ACVR1C: variants seen among roughly 807,000 people sequenced by gnomAD.
ACVR1C encodes activin A receptor type 1C.
A neutral mutation model predicts 57.9 loss-of-function variants in ACVR1C; 23 were observed. That is an observed-to-expected ratio of 0.40 (90% CI 0.29 to 0.56). The LOEUF (loss-of-function observed/expected upper bound fraction) is 0.56, where lower values mean the gene tolerates loss of function less well. Ranked by LOEUF, ACVR1C falls within the 20% of genes least tolerant of loss-of-function variation. ACVR1C has a pLI of 0.50. For synonymous variants in ACVR1C, 214 were observed against 215.3 expected (o/e 0.99, Z 0.05); for missense variants, 480 against 607.9 (o/e 0.79, Z 2.21).
chr2:157,575,131 C>CT (rs578208823), intron 2 of ACVR1C, among the ~76,000 whole-genome samples: 19,577 of 137,582 alleles, frequency 0.14, 1,775 homozygotes, highest in East Asian at 0.31. Context: ...CCGGCAAGTT[C>CT]TTTTTTTTTT....
chr2:157,554,692 C>T (rs1688049184), intron 3 of ACVR1C, among the ~76,000 whole-genome samples: 1 of 152,134 alleles, frequency 6.6e-6, no homozygotes, highest in South Asian at 2.1e-4. Context: ...AATATGGATG[C>T]ACATAGAGAT....
chr2:157,578,210 G>A (rs1688709666), intron 2 of ACVR1C, among the ~76,000 whole-genome samples: 1 of 152,108 alleles, frequency 6.6e-6, no homozygotes, highest in East Asian at 1.9e-4. Flanking sequence ...CAGACCTCCT[G>A]ACATTTTTTG....
At chr2:157,616,143 A>G (rs1050171525) in intron 1 of ACVR1C, among the ~76,000 whole-genome samples, 1 of 152,080 alleles carries the variant, frequency 6.6e-6, no homozygotes, top group Non-Finnish European at 1.5e-5. Flanking sequence ...CATTCCATTT[A>G]CACATATTTT....
Position 157,527,443 on chromosome 2 carries a change from C to T in ACVR1C, c.*6475G>A, listed in dbSNP as rs1009149518. ...CAATGTCAAAATGCAATGGTTTTGA[C>T]ATTTGTAATATGTTCTTAGGTATAA... On this transcript the variant is annotated 3_prime_UTR_variant, in exon 9 of 9. Coordinates refer to ENST00000243349, the MANE Select transcript of ACVR1C (RefSeq NM_145259.3). The T allele has an allele frequency of 6.6e-6, 1 of 152,148 alleles. No individual in the cohort carries two copies. 9.4% of individuals were successfully genotyped at this position (152,148 alleles called of 1,614,324 possible).
chr2:157,534,003 T>C lies in ACVR1C; in HGVS notation c.1397A>G (p.Tyr466Cys), dbSNP rs1211059146. ...AGTTAGGCGGGCCGCTCCGTTGGCA[T>C]ACCAACACTCACGCATTATTCTCCC... ...VMGRIMRECW[Y>C]ANGAARLTAL... The change falls in exon 9 of 9, where the codon TAT becomes TGT. Residue 466 changes from tyrosine to cysteine, a missense_variant. By Grantham distance (194) the Tyr-to-Cys change is radical. Coordinates refer to ENST00000243349, the MANE Select transcript of ACVR1C (RefSeq NM_145259.3). 2 of 1,592,386 alleles carry C rather than the reference T, an allele frequency of 1.3e-6. No homozygotes were observed. Among genetic ancestry groups the C allele is most frequent in the Non-Finnish European group, 8.5e-7 (1 of 1,171,344 alleles).
intron 7 of ACVR1C, among the ~76,000 whole-genome samples, chr2:157,539,555 C>A (rs1687571333): frequency 6.6e-6 from 1 of 152,184 alleles, no homozygotes; most frequent in South Asian, 2.1e-4. Context: ...AAAAGCAAAT[C>A]TAGACTAATA....
chr2:157,612,199 C>CCTGG (rs1682550129), intron 1 of ACVR1C, among the ~76,000 whole-genome samples: 1 of 152,120 alleles, frequency 6.6e-6, no homozygotes, highest in Non-Finnish European at 1.5e-5. Flanking sequence ...TACTTCAGCT[C>CCTGG]CTGGCTGCAG....
chr2:157,554,272 G>GAAAGAAAGAAAGAAAGAAAGAAAGA (rs1491411690), intron 3 of ACVR1C, among the ~76,000 whole-genome samples: 60 of 47,520 alleles, frequency 1.3e-3, no homozygotes, highest in East Asian at 3.5e-3. Flanking sequence ...AGAAAGAAAG[G>GAAAGAAAGAAAGAAAGAAAGAAAGA]AAGGAAGGAA....
chr2:157,555,946 A>AT (rs1688088509), intron 3 of ACVR1C, 147 bp downstream of exon 3: 1 of 927,762 alleles, frequency 1.1e-6, no homozygotes, highest in Non-Finnish European at 1.6e-6. Flanking sequence ...TTCCTCAGGT[A>AT]CTAAAAGGAG....
At chr2:157,555,988 C>T in intron 3 of ACVR1C, 105 bp downstream of exon 3, 1 of 1,329,354 alleles carries the variant, frequency 7.5e-7, no homozygotes, top group South Asian at 1.6e-5. Flanking sequence ...TGTATCCTTT[C>T]AAGACGGAAT....
intron 2 of ACVR1C, among the ~76,000 whole-genome samples, chr2:157,580,548 G>A (rs930105430): frequency 1.3e-5 from 2 of 152,150 alleles, no homozygotes; most frequent in Non-Finnish European, 2.9e-5. Context: ...CACTTTAGAT[G>A]TCCACAGAAA....
chr2:157,586,336 T>C (rs1017537532), intron 2 of ACVR1C, among the ~76,000 whole-genome samples: 4 of 152,116 alleles, frequency 2.6e-5, no homozygotes, highest in African/African-American at 9.7e-5. Flanking sequence ...ACTGATATGA[T>C]GACATATGAA....
chr2:157,618,652 A>T (rs1315317803), intron 1 of ACVR1C, among the ~76,000 whole-genome samples: 2 of 151,830 alleles, frequency 1.3e-5, no homozygotes, highest in Admixed American at 1.3e-4. Flanking sequence ...TAACAGAGTA[A>T]CTATATCAAT....
At chr2:157,575,131 CTTT>C (rs578208823) in intron 2 of ACVR1C, among the ~76,000 whole-genome samples, 14 of 137,590 alleles carry the variant, frequency 1.0e-4, no homozygotes, top group Non-Finnish European at 9.5e-5. Flanking sequence ...CCGGCAAGTT[CTTT>C]TTTTTTTTTT....
intron 2 of ACVR1C, among the ~76,000 whole-genome samples, chr2:157,561,203 G>GT (rs1000510091): frequency 6.6e-6 from 1 of 152,112 alleles, no homozygotes; most frequent in Non-Finnish European, 1.5e-5. Flanking sequence ...TTTATTAATA[G>GT]TTTTTCCCAA....
At chr2:157,544,304 C>G in intron 5 of ACVR1C, 141 bp downstream of exon 5, 1 of 759,266 alleles carries the variant, frequency 1.3e-6, no homozygotes, top group Non-Finnish European at 1.9e-6. Flanking sequence ...CCTAGACTAC[C>G]AAAATGCTGG....
intron 4 of ACVR1C, among the ~76,000 whole-genome samples, chr2:157,549,220 T>C (rs1306821458): frequency 4.6e-5 from 7 of 152,026 alleles, no homozygotes; most frequent in Admixed American, 3.9e-4. Context: ...CCAGGCATGG[T>C]GGCAGGCACC....
chr2:157,556,799 G>A (rs56383519), intron 2 of ACVR1C, among the ~76,000 whole-genome samples: 1 of 151,560 alleles, frequency 6.6e-6, no homozygotes, highest in Admixed American at 6.6e-5. Flanking sequence ...GAGTAGCTGA[G>A]ATTACAGGTG....
At position 157,544,476 on chromosome 2, in the gene ACVR1C, T is replaced by C. The variant is rs779454085; in HGVS notation, c.912A>G (p.Ala304=). The part of the protein sequence containing the change: ...KLALSIASGL[A]HLHMEIVGTQ... ...TACCAACAATCTCCATATGAAGGTG[T>C]GCCAGACCACTAGCAATTGAGAGCG... Residue 304 remains alanine, a synonymous_variant, in exon 5 of 9, where the codon GCA becomes GCG. Transcript: ENST00000243349. 1.4e-5 allele frequency: 22 copies of C among 1,613,830 alleles called. No homozygotes were observed. The highest frequency in any genetic ancestry group is 1.9e-5 in the Non-Finnish European group (22 of 1,179,894).
Sources: gnomAD v4.1 joint callset for allele counts (sites outside exome capture counted in the v4.1 genomes callset) on GRCh38, gnomAD v4.1.1 for gene constraint, MANE v1.5 for transcripts, NCBI Gene and HGNC (gene_info 2026-07-23, HGNC 2026-07-21) for gene names.